The following FILIP1L variants were observed in gnomAD, a reference collection of about 807,000 sequenced individuals.
The protein encoded by FILIP1L is filamin A-interacting protein 1-like.
A neutral mutation model predicts 96.6 loss-of-function variants in FILIP1L; 55 were observed. The observed-to-expected ratio is 0.57, with a 90% CI of 0.46 to 0.71. FILIP1L has a LOEUF of 0.71. FILIP1L is among the 30% of genes least tolerant of loss of function. The pLI is 0.00. For missense variants in FILIP1L, 1,304 were observed against 1,321.2 expected (o/e 0.99, Z 0.20); for synonymous variants, 467 against 473.9 (o/e 0.99, Z 0.19).
intron 1 of FILIP1L, among the ~76,000 whole-genome samples, chr3:99,990,861 C>G (rs1709490102): frequency 6.6e-6 from 1 of 152,130 alleles, no homozygotes; most frequent in Non-Finnish European, 1.5e-5. Context: ...TTTTCTCCAA[C>G]AGATAAATAT....
chr3:100,030,309 G>A (rs1199471808), intron 1 of FILIP1L, among the ~76,000 whole-genome samples: 2 of 152,152 alleles, frequency 1.3e-5, no homozygotes, highest in Non-Finnish European at 1.5e-5. Flanking sequence ...CCAGAAGTCA[G>A]TGATCAGGCC....
intron 5 of FILIP1L, chr3:99,833,263 T>C: frequency 6.2e-7 from 1 of 1,609,886 alleles, no homozygotes; most frequent in Non-Finnish European, 8.5e-7. Flanking sequence ...TGGTTCCACC[T>C]AGGGAGCAGT....
intron 4 of FILIP1L, among the ~76,000 whole-genome samples, chr3:99,893,036 G>C (rs1342509978): frequency 6.6e-6 from 1 of 152,148 alleles, no homozygotes; most frequent in Non-Finnish European, 1.5e-5. Context: ...GCCTTGCTAA[G>C]ATGCAAGCAT....
intron 5 of FILIP1L, among the ~76,000 whole-genome samples, chr3:99,842,521 G>T (rs1361058465): frequency 7.4e-6 from 1 of 134,618 alleles, no homozygotes; most frequent in Non-Finnish European, 1.6e-5. Flanking sequence ...AAAAAAAAAA[G>T]ATGGTCTCAG....
chr3:99,873,166 G>A (rs1187749383), intron 4 of FILIP1L, among the ~76,000 whole-genome samples: 1 of 152,140 alleles, frequency 6.6e-6, no homozygotes, highest in Non-Finnish European at 1.5e-5. Flanking sequence ...TGCTTTGAAG[G>A]TTTGTGATGC....
intron 4 of FILIP1L, among the ~76,000 whole-genome samples, chr3:99,859,325 C>T (rs1172391959): frequency 6.6e-6 from 1 of 152,220 alleles, no homozygotes; most frequent in Non-Finnish European, 1.5e-5. Context: ...TCTGATCATA[C>T]TTACAGTATT....
Position 99,930,046 on chromosome 3 carries a change from T to A in FILIP1L, c.253-17A>T, listed in dbSNP as rs759065667. On this transcript the variant is annotated splice_polypyrimidine_tract_variant and intron_variant, in intron 2 of 5. Coordinates refer to ENST00000477258, the MANE Select transcript of FILIP1L (RefSeq NM_001387850.1). ...ATCTCGAGCCTGTAGGAACAAAAAG[T>A]ATTTCAGAAAGCCTGCTGTCTCTAC... 1.5e-5 allele frequency: 24 copies of A among 1,586,538 alleles called. No individual in the cohort carries two copies. In the East Asian group the frequency reaches 3.7e-4, roughly 24 times the overall value.
chr3:99,876,975 A>G (rs1330457106), intron 4 of FILIP1L, among the ~76,000 whole-genome samples: 1 of 152,204 alleles, frequency 6.6e-6, no homozygotes, highest in African/African-American at 2.4e-5. Context: ...ACCGGCAAAC[A>G]AAATAAAGCC....
At chr3:99,962,749 A>G (rs1576604097) in intron 1 of FILIP1L, among the ~76,000 whole-genome samples, 2 of 152,306 alleles carry the variant, frequency 1.3e-5, no homozygotes, top group Non-Finnish European at 2.9e-5. Context: ...TAGTTTAAAT[A>G]ACTTCCCAAA....
chr3:100,108,718 G>T (rs1199742312), intron 1 of FILIP1L, among the ~76,000 whole-genome samples: 46 of 152,164 alleles, frequency 3.0e-4, no homozygotes, highest in Admixed American at 3.0e-3. Context: ...TCGTTTGTTT[G>T]TTAGATAACT....
In FILIP1L at chr3:99,849,066, C is replaced by T. The variant is rs1943518839; in HGVS notation, c.2610G>A (p.Glu870=). The change falls in exon 5 of 6, where the codon GAG becomes GAA. Residue 870 remains glutamate (E), a synonymous_variant. Coordinates refer to ENST00000477258, the MANE Select transcript of FILIP1L (RefSeq NM_001387850.1). ...KLWIPWMKSK[E]GHLQNGKMQT... is the part of the protein sequence containing the mutation. ...GCATTTTTCCATTCTGAAGATGGCC[C>T]TCCTTGGATTTCATCCAGGGAATCC... The T allele has an allele frequency of 1.2e-6, 2 of 1,613,982 alleles. No homozygotes were observed. Among genetic ancestry groups the T allele is most frequent in the South Asian group, 1.1e-5 (1 of 91,084 alleles).
intron 4 of FILIP1L, among the ~76,000 whole-genome samples, chr3:99,860,869 C>T (rs992129235): frequency 6.6e-6 from 1 of 152,136 alleles, no homozygotes; most frequent in African/African-American, 2.4e-5. Flanking sequence ...AATGGATGTT[C>T]ATTTAATACC....
intron 1 of FILIP1L, among the ~76,000 whole-genome samples, chr3:99,996,026 C>A (rs1469613531): frequency 6.6e-6 from 1 of 152,250 alleles, no homozygotes; most frequent in Non-Finnish European, 1.5e-5. Context: ...ATTTCTGCAG[C>A]TGGCTTGAAT....
chr3:99,942,561 G>A (rs185744903), intron 1 of FILIP1L, among the ~76,000 whole-genome samples: 58 of 152,316 alleles, frequency 3.8e-4, no homozygotes, highest in Admixed American at 1.2e-3. Context: ...GCCAGTCGCC[G>A]TGGCTCACGC....
chr3:99,879,784 A>G (rs1705659351), intron 4 of FILIP1L, among the ~76,000 whole-genome samples: 1 of 152,228 alleles, frequency 6.6e-6, no homozygotes, highest in Admixed American at 6.5e-5. Context: ...AAACACTGTC[A>G]TGTACAAAGA....
chr3:99,931,506 T>C (rs1260735940), intron 1 of FILIP1L, among the ~76,000 whole-genome samples: 1 of 152,234 alleles, frequency 6.6e-6, no homozygotes, highest in African/African-American at 2.4e-5. Flanking sequence ...GTTTTTAAAA[T>C]TTGTTAGCCT....
chr3:100,077,668 A>C (rs1371942148), intron 1 of FILIP1L, among the ~76,000 whole-genome samples: 1 of 152,208 alleles, frequency 6.6e-6, no homozygotes, highest in Non-Finnish European at 1.5e-5. Flanking sequence ...CACACCTATA[A>C]TCACAGTGAG....
At chr3:99,884,131 T>A (rs193109702) in intron 4 of FILIP1L, among the ~76,000 whole-genome samples, 26 of 152,340 alleles carry the variant, frequency 1.7e-4, no homozygotes, top group Admixed American at 4.6e-4. Context: ...AGACCCAGGC[T>A]GTGCAGTAGC....
chr3:100,087,093 C>A (rs571752873), intron 1 of FILIP1L, among the ~76,000 whole-genome samples: 1 of 152,146 alleles, frequency 6.6e-6, no homozygotes, highest in Non-Finnish European at 1.5e-5. Flanking sequence ...TTTGCTAATC[C>A]AATTACGAGT....
Sources: gnomAD v4.1 joint callset for allele counts (sites outside exome capture counted in the v4.1 genomes callset) on GRCh38, gnomAD v4.1.1 for gene constraint, MANE v1.5 for transcripts, NCBI Gene and HGNC (gene_info 2026-07-23, HGNC 2026-07-21) for gene names.